CEP192: variants seen among roughly 807,000 people sequenced by gnomAD.
CEP192 encodes the protein centrosomal protein 192, also known as centrosomal protein of 192 kDa.
CEP192 carries 151 observed loss-of-function variants against 271.8 expected under a neutral mutation model. The observed-to-expected ratio is 0.56, with a 90% CI of 0.49 to 0.64. The LOEUF (loss-of-function observed/expected upper bound fraction) is 0.64. CEP192 is among the 30% of genes least tolerant of loss of function. The pLI is 0.00. For synonymous variants in CEP192, 995 were observed against 1,076.5 expected (o/e 0.92, Z 1.48); for missense variants, 2,910 against 3,020.5 (o/e 0.96, Z 0.86).
chr18:13,100,583 A>G (rs890299188), intron 38 of CEP192, 71 bp downstream of exon 38: 6 of 1,221,260 alleles, frequency 4.9e-6, no homozygotes, highest in South Asian at 1.3e-5. Flanking sequence ...ATTCTTAGCC[A>G]TAAGTTGGTG....
intron 44 of CEP192, among the ~76,000 whole-genome samples, chr18:13,118,725 C>T (rs2040538858): frequency 6.6e-6 from 1 of 152,192 alleles, no homozygotes. Context: ...GTGCTAGCTA[C>T]TGACAGCATA....
At chr18:13,082,862 A>T (rs1303132816) in intron 30 of CEP192, among the ~76,000 whole-genome samples, 1 of 149,112 alleles carries the variant, frequency 6.7e-6, no homozygotes, top group African/African-American at 2.5e-5. Flanking sequence ...AAAGGATTTT[A>T]TTTCTCCTTC....
At chr18:13,022,104 TC>T (rs1295767894) in intron 9 of CEP192, among the ~76,000 whole-genome samples, 3 of 152,196 alleles carry the variant, frequency 2.0e-5, no homozygotes, top group African/African-American at 7.2e-5. Context: ...ATCCAATTGT[TC>T]CAGCACCATT....
Position 13,015,405 on chromosome 18 carries a change from A to T in CEP192, c.597A>T (p.Glu199Asp). 1 of 1,551,446 alleles carries T rather than the reference A, an allele frequency of 6.4e-7. No individual in the cohort carries two copies. Among genetic ancestry groups the T allele is most frequent in the East Asian group, 2.4e-5 (1 of 40,922 alleles). Residue 199 changes from glutamate to aspartate, a missense_variant, in exon 6 of 45, where the codon GAA (glutamate) becomes GAT (aspartate). Physicochemically the swap from Glu to Asp is conservative, Grantham distance 45. Coordinates refer to ENST00000506447, the MANE Select transcript of CEP192 (RefSeq NM_032142.4). ...KSDLSHTSLL[E>D]NEKLILPTSL... ...ACCTAAGCCACACTAGCTTATTAGA[A>T]AATGAGAAACTTATCTTACCGACAA...
chr18:13,024,181 A>G (rs2035155678), intron 9 of CEP192: 6 of 350,256 alleles, frequency 1.7e-5, no homozygotes, highest in Non-Finnish European at 2.8e-5. Context: ...TGTAAGGTGT[A>G]TACACGTTAA....
intron 11 of CEP192, among the ~76,000 whole-genome samples, chr18:13,031,266 G>A (rs1305803551): frequency 4.1e-5 from 1 of 24,248 alleles, no homozygotes; most frequent in African/African-American, 1.8e-4. Flanking sequence ...TTTTTTTTTT[G>A]AGACAGAGTC....
intron 30 of CEP192, among the ~76,000 whole-genome samples, chr18:13,083,959 G>A (rs529019764): frequency 2.0e-5 from 3 of 152,034 alleles, no homozygotes; most frequent in South Asian, 2.1e-4. Flanking sequence ...GCTGCAGAAC[G>A]GCAAATATTG....
intron 3 of CEP192, among the ~76,000 whole-genome samples, chr18:13,007,396 C>T (rs1256464253): frequency 6.6e-6 from 1 of 152,094 alleles, no homozygotes; most frequent in Non-Finnish European, 1.5e-5. Flanking sequence ...ATGTCGAGTG[C>T]CCTGCTCTCA....
intron 4 of CEP192, among the ~76,000 whole-genome samples, chr18:13,012,765 C>G (rs1054701741): frequency 2.0e-5 from 3 of 152,188 alleles, no homozygotes; most frequent in Non-Finnish European, 4.4e-5. Flanking sequence ...GATACATATT[C>G]AAGTTCTTTG....
chr18:13,103,476 G>C (rs539692537), intron 38 of CEP192, 33 bp from the exon 39 acceptor site: 2 of 1,562,500 alleles, frequency 1.3e-6, no homozygotes, highest in East Asian at 2.2e-5. Context: ...CAGTCTCTCC[G>C]AGTTTGAGTT....
chr18:13,038,598 G>A lies in CEP192; in HGVS notation c.1809+19G>A. On this transcript the variant is annotated intron_variant, in intron 13 of 44. Transcript: ENST00000506447. ...GAAAAGAGTAAGTATGGAATCTGTTGGAAGTGCTCACAGTCACCAGATTTT... is the reference window on the plus strand; with the variant it reads ...GAAAAGAGTAAGTATGGAATCTGTTAGAAGTGCTCACAGTCACCAGATTTT... 6.6e-7 allele frequency: 1 copy of A among 1,526,262 alleles called. No homozygotes were observed. Among genetic ancestry groups the A allele is most frequent in the South Asian group, 1.2e-5 (1 of 83,514 alleles). 94.5% of individuals were successfully genotyped at this position (1,526,262 alleles called of 1,614,324 possible).
At position 13,064,528 on chromosome 18, in the gene CEP192, C is replaced by T. The variant is rs899983810; in HGVS notation, c.4489-3303C>T. Reference sequence around the variant, plus strand: ...TTGGGAGGCTGAGGCAGGAGAATGACGTGAACCCGGGAGGCGGAGCTTGCA... The same window carrying T: ...TTGGGAGGCTGAGGCAGGAGAATGATGTGAACCCGGGAGGCGGAGCTTGCA... On this transcript the variant is annotated intron_variant, in intron 21 of 44. Transcript: ENST00000506447. 1.5e-4 allele frequency among the ~76,000 whole-genome samples: 23 copies of T among 150,586 alleles called. No individual in the cohort carries two copies. In the East Asian group the frequency reaches 1.6e-3, roughly 10 times the overall value.
intron 9 of CEP192, among the ~76,000 whole-genome samples, chr18:13,020,586 T>C (rs954651756): frequency 6.6e-6 from 1 of 152,158 alleles, no homozygotes; most frequent in Admixed American, 6.5e-5. Flanking sequence ...TGTTTGGATA[T>C]ATATGTAGGA....
At chr18:13,111,028 C>T (rs953512070) in intron 40 of CEP192, among the ~76,000 whole-genome samples, 9 of 152,208 alleles carry the variant, frequency 5.9e-5, no homozygotes, top group Admixed American at 4.6e-4. Context: ...AAATGTCAGT[C>T]TCCTCTGGCA....
Position 13,096,192 on chromosome 18 carries a change from G to A in CEP192, c.6442G>A (p.Ala2148Thr), listed in dbSNP as rs866106151. 1 of 1,613,754 alleles carries A rather than the reference G, an allele frequency of 6.2e-7. No individual in the cohort carries two copies. The highest frequency in any genetic ancestry group is 8.5e-7 in the Non-Finnish European group (1 of 1,179,820). ...ILVAPSPCDMAKTGRFQIVNN... is the reference protein window; with the variant it reads ...ILVAPSPCDMTKTGRFQIVNN... ...TGTATCTGACAAAATAGGTGACATG[G>A]CAAAAACTGGACGTTTCCAGATTGT... Residue 2148 changes from alanine to threonine, a missense_variant, in exon 36 of 45, where the codon GCA (alanine) becomes ACA (threonine). Coordinates refer to ENST00000506447, the MANE Select transcript of CEP192 (RefSeq NM_032142.4).
At chr18:13,012,873 A>T (rs565732996) in intron 4 of CEP192, 100 bp from the exon 5 acceptor site, 2 of 656,466 alleles carry the variant, frequency 3.0e-6, no homozygotes, top group African/African-American at 1.8e-5. Flanking sequence ...CTTTTATTCT[A>T]TTTCAAGAGA....
At chr18:13,009,953 G>A (rs754610353) in intron 4 of CEP192, among the ~76,000 whole-genome samples, 1 of 152,122 alleles carries the variant, frequency 6.6e-6, no homozygotes, top group Admixed American at 6.5e-5. Context: ...GAGCCCAGGA[G>A]TTCAATATCA....
At chr18:13,069,691 C>T (rs371679296) in intron 26 of CEP192, 47 bp from the exon 27 acceptor site, 25 of 1,135,468 alleles carry the variant, frequency 2.2e-5, no homozygotes, top group African/African-American at 9.5e-5. Context: ...GCGAAAACTG[C>T]GTTTTTGTAA....
intron 33 of CEP192, among the ~76,000 whole-genome samples, chr18:13,091,475 T>C (rs2039144331): frequency 6.6e-6 from 1 of 152,092 alleles, no homozygotes; most frequent in Non-Finnish European, 1.5e-5. Flanking sequence ...TCACCTGGAG[T>C]ATAATGCAGT....
Sources: allele counts gnomAD v4.1 joint callset (sites outside exome capture counted in the v4.1 genomes callset), GRCh38; gene constraint gnomAD v4.1.1; transcripts MANE v1.5; gene names NCBI Gene and HGNC (gene_info 2026-07-23, HGNC 2026-07-21).